Variants in GSTM2 observed in about 807,000 individuals in gnomAD.
The protein encoded by GSTM2 is glutathione S-transferase mu 2, also known as GST class-mu 2.
A neutral mutation model predicts 33.3 loss-of-function variants in GSTM2; 33 were observed. That is an observed-to-expected ratio of 0.99 (90% CI 0.75 to 1.33). The LOEUF is 1.33. Among genes scored for constraint, GSTM2 ranks in the 40% most tolerant of loss-of-function variants. GSTM2 has a pLI of 0.00. For synonymous variants in GSTM2, 93 were observed against 95.6 expected (o/e 0.97, Z 0.16); for missense variants, 213 against 265.8 (o/e 0.80, Z 1.38).
downstream of GSTM2, among the ~76,000 whole-genome samples, chr1:109,680,279 C>CAAAAAAAAAAAAAAAAAAAAAA (rs5776993): frequency 7.6e-6 from 1 of 131,050 alleles, no homozygotes; most frequent in Admixed American, 7.6e-5. Flanking sequence ...GTACACATAG[C>CAAAAAAAAAAAAAAAAAAAAAA]AAAAAAAAAA....
rs746987637 is a variant in GSTM2 at position 109,674,761 on chromosome 1, C to A, written c.582C>A (p.Ile194=). Reference sequence around the variant, plus strand: ...CCCCCTCTCAGGGCTTGGAGAAGATCTCTGCCTACATGAAGTCCAGCCGCT... The same window carrying A: ...CCCCCTCTCAGGGCTTGGAGAAGATATCTGCCTACATGAAGTCCAGCCGCT... ...FISRFEGLEK[I]SAYMKSSRFL... The change falls in exon 8 of 8, where the codon ATC becomes ATA. Residue 194 remains isoleucine, a synonymous_variant. Transcript: ENST00000241337. The A allele has an allele frequency of 6.2e-7, 1 of 1,614,220 alleles. No individual in the cohort carries two copies. The highest frequency in any genetic ancestry group is 1.1e-5 in the South Asian group (1 of 91,092).
chr1:109,674,350 T>C lies in GSTM2; in HGVS notation c.568-397T>C, dbSNP rs2236862. Among the ~76,000 whole-genome samples, 669 of 149,886 alleles carry C rather than the reference T, an allele frequency of 4.5e-3. 3 individuals are homozygous for C. The highest frequency in any genetic ancestry group is 0.015 in the African/African-American group (600 of 39,364). ...TGGAGAGAGACAGAACCAGGCTACATTGAAGTTCTATTCCCCTTACTAGGT... is the reference window on the plus strand; with the variant it reads ...TGGAGAGAGACAGAACCAGGCTACACTGAAGTTCTATTCCCCTTACTAGGT... On this transcript the variant is annotated intron_variant, in intron 7 of 7. Transcript: ENST00000241337.
downstream of GSTM2, among the ~76,000 whole-genome samples, chr1:109,677,402 A>G (rs1037921226): frequency 5.3e-5 from 8 of 152,338 alleles, no homozygotes; most frequent in East Asian, 1.9e-4. Flanking sequence ...TCCAAATTCC[A>G]TGAACAAATG....
At chr1:109,671,228 G>A in intron 5 of GSTM2, 59 bp from the exon 6 acceptor site, 2 of 1,240,572 alleles carry the variant, frequency 1.6e-6, no homozygotes, top group Non-Finnish European at 2.4e-6. Flanking sequence ...AAAACTGGGA[G>A]GCCGCATCTG....
intron 1 of GSTM2, 107 bp from the exon 2 acceptor site, chr1:109,668,318 C>T: frequency 3.9e-6 from 5 of 1,298,218 alleles, no homozygotes; most frequent in Non-Finnish European, 4.5e-6. Context: ...GGGGTGGGGG[C>T]GGGTGAGGCA....
chr1:109,669,167 A>G, intron 3 of GSTM2, 123 bp from the exon 4 acceptor site: 1 of 1,291,500 alleles, frequency 7.7e-7, no homozygotes, highest in Non-Finnish European at 1.1e-6. Flanking sequence ...TTAGTGTGAC[A>G]GTATTTCTAT....
intron 2 of GSTM2, 55 bp from the exon 3 acceptor site, chr1:109,668,870 G>A: frequency 6.2e-7 from 1 of 1,607,582 alleles, no homozygotes; most frequent in South Asian, 1.1e-5. Flanking sequence ...GGGTCCCCAG[G>A]AAGGAGGGCT....
intron 2 of GSTM2, 143 bp from the exon 3 acceptor site, chr1:109,668,782 T>C (rs908400110): frequency 7.6e-6 from 8 of 1,048,668 alleles, no homozygotes; most frequent in Admixed American, 2.0e-5. Context: ...TCTTTTTCTC[T>C]GAATCCTGGG....
In GSTM2 at chr1:109,673,607, A is replaced by G. The variant is rs537901945; in HGVS notation, c.568-1140A>G. The G allele has an allele frequency of 3.1e-5, 8 of 258,472 alleles. No homozygotes were observed. In the East Asian group the frequency reaches 4.4e-4, roughly 14 times the overall value. 16.0% of individuals were successfully genotyped at this position (258,472 alleles called of 1,614,324 possible). The stretch of plus-strand genomic sequence containing the variant: ...GAGGGATGGAGGAGAGCTGAGAGCT[A>G]TGGCCCGTTATGTGCCAGGGTCAAG... On this transcript the variant is annotated intron_variant, in intron 7 of 7. Transcript: ENST00000241337.
chr1:109,673,095 C>G (rs1647603161), intron 7 of GSTM2: 1 of 1,367,476 alleles, frequency 7.3e-7, no homozygotes, highest in African/African-American at 1.4e-5. Flanking sequence ...GTCTCAAACT[C>G]CTGACCTCAG....
At chr1:109,670,977 C>G (rs1647516141) in intron 5 of GSTM2, 1 of 354,422 alleles carries the variant, frequency 2.8e-6, no homozygotes, top group Non-Finnish European at 5.2e-6. Context: ...CATATCTGGT[C>G]CAGAGCCTAC....
intron 5 of GSTM2, among the ~76,000 whole-genome samples, chr1:109,670,390 A>G (rs1647489926): frequency 6.6e-6 from 1 of 152,148 alleles, no homozygotes; most frequent in Admixed American, 6.5e-5. Context: ...TGGTCCTGCC[A>G]AATACACGGG....
intron 5 of GSTM2, 93 bp downstream of exon 5, chr1:109,669,664 G>C (rs550161119): frequency 1.3e-6 from 1 of 797,014 alleles, no homozygotes; most frequent in Admixed American, 2.2e-5. Flanking sequence ...ATTCCTTCTG[G>C]TGAGTTCTTG....
chr1:109,669,447 A>G (rs1311657742), intron 4 of GSTM2, 24 bp from the exon 5 acceptor site: 2 of 1,613,464 alleles, frequency 1.2e-6, no homozygotes, highest in Non-Finnish European at 1.7e-6. Flanking sequence ...TGAGGCTGAG[A>G]GTGAATCTGC....
downstream of GSTM2, among the ~76,000 whole-genome samples, chr1:109,676,541 C>T (rs1392364598): frequency 2.0e-5 from 3 of 152,026 alleles, no homozygotes; most frequent in Non-Finnish European, 2.9e-5. Context: ...GTTTTAGAGA[C>T]GGGTTTTCAC....
downstream of GSTM2, among the ~76,000 whole-genome samples, chr1:109,676,720 G>T (rs1375107482): frequency 2.0e-5 from 3 of 152,288 alleles, no homozygotes; most frequent in South Asian, 4.1e-4. Context: ...GCTGTGTGGG[G>T]ATCTACAGGT....
At position 109,669,455 on chromosome 1, in the gene GSTM2, T is replaced by C. The variant is rs755904351; in HGVS notation, c.260-16T>C. ...TGGGCTGTGAGGCTGAGAGTGAATC[T>C]GCTTTACGAGGGTAGGCGGGGAATC... On this transcript the variant is annotated splice_polypyrimidine_tract_variant and intron_variant, in intron 4 of 7. Transcript: ENST00000241337. The C allele has an allele frequency of 1.2e-6, 2 of 1,613,772 alleles. No homozygotes were observed. Among genetic ancestry groups the C allele is most frequent in the South Asian group, 1.1e-5 (1 of 91,076 alleles).
At chr1:109,668,361 G>A in intron 1 of GSTM2, 64 bp from the exon 2 acceptor site, 1 of 1,561,064 alleles carries the variant, frequency 6.4e-7, no homozygotes, top group African/African-American at 1.4e-5. Context: ...CTCCCCTTGT[G>A]CAGAGTCGTC....
chr1:109,668,608 GC>G, intron 2 of GSTM2, 108 bp downstream of exon 2: 1 of 1,274,232 alleles, frequency 7.8e-7, no homozygotes, highest in Non-Finnish European at 1.1e-6. Context: ...TGCTGGAACT[GC>G]AGGCTGTCCC....
Sources: gnomAD v4.1 joint callset for allele counts (sites outside exome capture counted in the v4.1 genomes callset) on GRCh38, gnomAD v4.1.1 for gene constraint, MANE v1.5 for transcripts, NCBI Gene and HGNC (gene_info 2026-07-23, HGNC 2026-07-21) for gene names.